CAMK2D: variants seen among roughly 807,000 people sequenced by gnomAD.
CAMK2D encodes calcium/calmodulin-dependent protein kinase type II subunit delta.
In CAMK2D, 37 loss-of-function variants were observed where a neutral mutation model predicts 84.0. That is an observed-to-expected ratio of 0.44 (90% CI 0.34 to 0.58). CAMK2D has a LOEUF of 0.58. Ranked by LOEUF, CAMK2D falls within the 20% of genes least tolerant of loss-of-function variation. The pLI is 0.02. For missense variants in CAMK2D, 448 were observed against 652.5 expected (o/e 0.69, Z 3.41); for synonymous variants, 202 against 212.5 (o/e 0.95, Z 0.43).
chr4:113,639,538 A>G (rs564924511), intron 3 of CAMK2D, among the ~76,000 whole-genome samples: 1 of 152,230 alleles, frequency 6.6e-6, no homozygotes, highest in East Asian at 1.9e-4. Flanking sequence ...TCACTCCTTC[A>G]GCCAGGCACC....
chr4:113,691,124 C>T (rs1338788046), intron 2 of CAMK2D, among the ~76,000 whole-genome samples: 1 of 152,178 alleles, frequency 6.6e-6, no homozygotes, highest in Admixed American at 6.5e-5. Context: ...AATTCACCAC[C>T]ATCACTGTCA....
chr4:113,499,750 T>C (rs2154148657), intron 16 of CAMK2D, among the ~76,000 whole-genome samples: 1 of 152,300 alleles, frequency 6.6e-6, no homozygotes, highest in East Asian at 1.9e-4. Context: ...TAGTTATATA[T>C]AATGAATTAC....
chr4:113,663,708 A>AT (rs2099246007), intron 2 of CAMK2D, among the ~76,000 whole-genome samples: 1 of 150,934 alleles, frequency 6.6e-6, no homozygotes, highest in South Asian at 2.1e-4. Context: ...GAACTATGTG[A>AT]TTTTTTTATA....
At chr4:113,720,467 A>C (rs935323610) in intron 2 of CAMK2D, among the ~76,000 whole-genome samples, 4 of 151,952 alleles carry the variant, frequency 2.6e-5, no homozygotes, top group African/African-American at 9.7e-5. Flanking sequence ...GAGAGCAGTA[A>C]ACATACTGAG....
rs1295885918 is a variant in CAMK2D at position 113,713,533 on chromosome 4, T to C, written c.160+45787A>G. On this transcript the variant is annotated intron_variant, in intron 2 of 20. Coordinates refer to ENST00000511664, the MANE Select transcript of CAMK2D (RefSeq NM_001321571.2). The stretch of plus-strand genomic sequence containing the variant: ...ATATATAGTATAACAATATTATATA[T>C]AGTATTATTAATATGACTCTTTAAT... Among the ~76,000 whole-genome samples, 17 of 148,114 alleles carry C rather than the reference T, an allele frequency of 1.1e-4. No individual in the cohort carries two copies. In the East Asian group the frequency reaches 3.1e-3, roughly 27 times the overall value.
chr4:113,751,548 G>C lies in CAMK2D; in HGVS notation c.160+7772C>G, dbSNP rs909862917. On this transcript the variant is annotated intron_variant, in intron 2 of 20. Transcript: ENST00000511664. ...GCACTTTGGAAGGCCTAAGTGGGTG[G>C]ATCACGAGGTCCGGTGTTCGAGACC... 2.6e-5 allele frequency among the ~76,000 whole-genome samples: 4 copies of C among 152,100 alleles called. No homozygotes were observed. The East Asian group carries it at 7.7e-4, about 29-fold the overall frequency.
chr4:113,565,522 A>G (rs1018963359), intron 4 of CAMK2D, among the ~76,000 whole-genome samples: 7 of 151,956 alleles, frequency 4.6e-5, no homozygotes, highest in Non-Finnish European at 1.0e-4. Context: ...GTGGTGGTGC[A>G]TGCCGGTAAT....
chr4:113,457,347 G>A lies in CAMK2D; in HGVS notation c.1523C>T (p.Thr508Ile). The A allele has an allele frequency of 6.2e-7, 1 of 1,613,642 alleles. No homozygotes were observed. Among genetic ancestry groups the A allele is most frequent in the Non-Finnish European group, 8.5e-7 (1 of 1,179,676 alleles). The change falls in exon 19 of 21, where the codon ACA (threonine) becomes ATA (isoleucine). Residue 508 changes from threonine (T) to isoleucine (I), a missense_variant. Coordinates refer to ENST00000511664, the MANE Select transcript of CAMK2D (RefSeq NM_001321571.2). ...NVHFHRSGSP[T>I]VPIKPPCIPN... ...TGGAAATATTTACTTGATGGGTACT[G>A]TTGGTGACCCCGAGCGATGAAAATG...
intron 4 of CAMK2D, among the ~76,000 whole-genome samples, chr4:113,570,676 G>A (rs575651812): frequency 6.6e-6 from 1 of 152,276 alleles, no homozygotes; most frequent in East Asian, 1.9e-4. Context: ...TTAAATGTAA[G>A]ATTTAAAACT....
chr4:113,512,244 C>A (rs2098224489), intron 12 of CAMK2D, among the ~76,000 whole-genome samples: 1 of 152,116 alleles, frequency 6.6e-6, no homozygotes, highest in African/African-American at 2.4e-5. Flanking sequence ...GAACCTGGTC[C>A]TTTGAGACAA....
At chr4:113,713,623 C>T (rs990867392) in intron 2 of CAMK2D, among the ~76,000 whole-genome samples, 2 of 150,372 alleles carry the variant, frequency 1.3e-5, no homozygotes, top group Non-Finnish European at 3.0e-5. Context: ...TTTTGTCAAC[C>T]TGCATTTTTT....
At chr4:113,712,757 C>A (rs536007122) in intron 2 of CAMK2D, among the ~76,000 whole-genome samples, 46 of 151,810 alleles carry the variant, frequency 3.0e-4, no homozygotes, top group Admixed American at 2.9e-3. Context: ...ATTAAGATTT[C>A]CCTATTTTTG....
In CAMK2D at chr4:113,662,605, A is replaced by T. The variant is rs563839038; in HGVS notation, c.161-833T>A. 2.0e-5 allele frequency among the ~76,000 whole-genome samples: 3 copies of T among 152,292 alleles called. No homozygotes were observed. In the South Asian group the frequency reaches 6.2e-4, roughly 32 times the overall value. ...ATCTGATTTAAATCTTACAACCACC[A>T]TCTTATATTGGCAATATTATCCCTA... is the stretch of plus-strand genomic sequence containing the variant. On this transcript the variant is annotated intron_variant, in intron 2 of 20. Coordinates refer to ENST00000511664, the MANE Select transcript of CAMK2D (RefSeq NM_001321571.2).
intron 2 of CAMK2D, among the ~76,000 whole-genome samples, chr4:113,726,542 T>C (rs537299941): frequency 4.0e-5 from 6 of 151,350 alleles, no homozygotes; most frequent in East Asian, 3.9e-4. Context: ...TTACCATGCC[T>C]GGCTAATTTT....
At chr4:113,466,070 G>A (rs931022295) in intron 16 of CAMK2D, among the ~76,000 whole-genome samples, 3 of 151,670 alleles carry the variant, frequency 2.0e-5, no homozygotes, top group Admixed American at 6.6e-5. Flanking sequence ...TGACCCACAC[G>A]GAGAAACTTC....
intron 3 of CAMK2D, among the ~76,000 whole-genome samples, chr4:113,622,400 T>A (rs780577589): frequency 1.3e-5 from 2 of 152,116 alleles, no homozygotes; most frequent in Admixed American, 6.6e-5. Context: ...AGGCCCTACC[T>A]CTTCAAATTC....
chr4:113,718,791 T>A (rs935727817), intron 2 of CAMK2D, among the ~76,000 whole-genome samples: 2 of 152,224 alleles, frequency 1.3e-5, no homozygotes, highest in Non-Finnish European at 1.5e-5. Flanking sequence ...AGGTCCAATC[T>A]TTTTCACTGT....
intron 2 of CAMK2D, among the ~76,000 whole-genome samples, chr4:113,756,066 C>A (rs2099627913): frequency 1.3e-5 from 2 of 151,950 alleles, no homozygotes; most frequent in South Asian, 4.1e-4. Flanking sequence ...CACGCACATG[C>A]TAACACAAAA....
chr4:113,680,332 C>T (rs569196663), intron 2 of CAMK2D, among the ~76,000 whole-genome samples: 1 of 152,258 alleles, frequency 6.6e-6, no homozygotes, highest in South Asian at 2.1e-4. Context: ...CACTCTAGAA[C>T]AAACGCTGTC....
Sources: allele counts gnomAD v4.1 joint callset (sites outside exome capture counted in the v4.1 genomes callset), GRCh38; gene constraint gnomAD v4.1.1; transcripts MANE v1.5; gene names NCBI Gene and HGNC (gene_info 2026-07-23, HGNC 2026-07-21).